CADPS: variants seen among roughly 807,000 people sequenced by gnomAD.
CADPS encodes calcium dependent secretion activator, also known as calcium-dependent secretion activator 1.
In CADPS, 57 loss-of-function variants were observed where a neutral mutation model predicts 167.3. That is an observed-to-expected ratio of 0.34 (90% CI 0.28 to 0.42). CADPS has a LOEUF of 0.42. Ranked by LOEUF, CADPS falls within the 20% of genes least tolerant of loss-of-function variation. The pLI is 1.00. For synonymous variants in CADPS, 676 were observed against 635.3 expected (o/e 1.06, Z -0.96); for missense variants, 1,414 against 1,738.1 (o/e 0.81, Z 3.32).
At chr3:62,538,196 A>G (rs1405067500) in intron 11 of CADPS, among the ~76,000 whole-genome samples, 1 of 152,092 alleles carries the variant, frequency 6.6e-6, no homozygotes, top group Admixed American at 6.6e-5. Context: ...TGCTTCATCT[A>G]GGAGGCTTCT....
chr3:62,550,222 A>AG (rs1217323165), intron 10 of CADPS, 107 bp from the exon 11 acceptor site: 6 of 791,720 alleles, frequency 7.6e-6, no homozygotes, highest in African/African-American at 1.7e-5. Context: ...GGGACAGAAG[A>AG]GGGGGGTAGT....
At chr3:62,802,153 C>A (rs950914518) in intron 1 of CADPS, among the ~76,000 whole-genome samples, 7 of 152,198 alleles carry the variant, frequency 4.6e-5, no homozygotes, top group East Asian at 3.9e-4. Flanking sequence ...TAAGGCCAAG[C>A]CAAATTTTGA....
At position 62,676,948 on chromosome 3, in the gene CADPS, G is replaced by C. The variant is rs1422830291; in HGVS notation, c.889-14554C>G. Among the ~76,000 whole-genome samples the C allele has an allele frequency of 2.6e-5, 4 of 152,110 alleles. No individual in the cohort carries two copies. In the East Asian group the frequency reaches 7.7e-4, roughly 29 times the overall value. ...GGAAGGGATCTTATGCTCCTGATAGGAAGTCAGACATGCACCCTAAGAGGA... is the reference window on the plus strand; with the variant it reads ...GGAAGGGATCTTATGCTCCTGATAGCAAGTCAGACATGCACCCTAAGAGGA... On this transcript the variant is annotated intron_variant, in intron 3 of 29. Transcript: ENST00000383710.
intron 6 of CADPS, among the ~76,000 whole-genome samples, chr3:62,599,836 TATA>T (rs1432082466): frequency 8.9e-4 from 2 of 2,248 alleles, no homozygotes; most frequent in Non-Finnish European, 8.8e-3. Context: ...ATATATATAA[TATA>T]TTATATATAT....
rs1383590843 is a variant in CADPS at position 62,536,487 on chromosome 3, G to T, written c.2061C>A (p.Arg687=). 1 of 1,613,316 alleles carries T rather than the reference G, an allele frequency of 6.2e-7. No individual in the cohort carries two copies. Among genetic ancestry groups the T allele is most frequent in the Admixed American group, 1.7e-5 (1 of 59,990 alleles). The part of the protein sequence containing the change: ...DHASLFEMVQ[R]LTLDHRLNDS... ...CATTAAGTCTGTGATCCAAAGTAAG[G>T]CGTTGTACCATCTCAAAGAGGGAAG... The change falls in exon 12 of 30, where the codon CGC becomes CGA. Residue 687 remains arginine (R), a synonymous_variant. Coordinates refer to ENST00000383710, the MANE Select transcript of CADPS (RefSeq NM_003716.4).
At chr3:62,854,279 TTCTC>T (rs1216921809) in intron 1 of CADPS, among the ~76,000 whole-genome samples, 1 of 152,216 alleles carries the variant, frequency 6.6e-6, no homozygotes, top group Admixed American at 6.5e-5. Flanking sequence ...AAAAGTAACT[TTCTC>T]TCTATGCATT....
At chr3:62,829,389 A>C (rs1485202374) in intron 1 of CADPS, among the ~76,000 whole-genome samples, 1 of 152,142 alleles carries the variant, frequency 6.6e-6, no homozygotes, top group African/African-American at 2.4e-5. Flanking sequence ...TGCAAATACT[A>C]TGCCATTTTA....
intron 13 of CADPS, among the ~76,000 whole-genome samples, chr3:62,520,758 G>T (rs541757187): frequency 2.6e-5 from 4 of 152,310 alleles, no homozygotes; most frequent in Admixed American, 2.0e-4. Context: ...TTTACAAAGT[G>T]AGGAAAAGAC....
chr3:62,541,279 A>G (rs531659770), intron 11 of CADPS, among the ~76,000 whole-genome samples: 2 of 152,306 alleles, frequency 1.3e-5, no homozygotes, highest in East Asian at 3.9e-4. Context: ...ATGTACTGAC[A>G]GTGAGCTATA....
rs115791068 is a variant in CADPS at position 62,740,042 on chromosome 3, T to C, written c.888+13399A>G. Among the ~76,000 whole-genome samples, 1,336 of 152,354 alleles carry C rather than the reference T, an allele frequency of 8.8e-3. 17 individuals carry two copies. The highest frequency in any genetic ancestry group is 0.031 in the African/African-American group (1,282 of 41,590). ...AGTGACTTACACTAATATATGTTGATTGCCATGTTCATGGGTCTGTGAACT... is the reference window on the plus strand; with the variant it reads ...AGTGACTTACACTAATATATGTTGACTGCCATGTTCATGGGTCTGTGAACT... On this transcript the variant is annotated intron_variant, in intron 3 of 29. Coordinates refer to ENST00000383710, the MANE Select transcript of CADPS (RefSeq NM_003716.4).
chr3:62,787,490 C>G, intron 1 of CADPS, among the ~76,000 whole-genome samples: 1 of 151,916 alleles, frequency 6.6e-6, no homozygotes, highest in Non-Finnish European at 1.5e-5. Flanking sequence ...TAAATACAAC[C>G]AAAACATTAT....
intron 6 of CADPS, among the ~76,000 whole-genome samples, chr3:62,618,533 G>C (rs1341304631): frequency 6.6e-6 from 1 of 152,110 alleles, no homozygotes; most frequent in Non-Finnish European, 1.5e-5. Context: ...TCTGTTAATT[G>C]CACCAGAGGA....
intron 9 of CADPS, among the ~76,000 whole-genome samples, chr3:62,564,818 G>A (rs1252882661): frequency 6.6e-6 from 1 of 151,978 alleles, no homozygotes; most frequent in Admixed American, 6.5e-5. Flanking sequence ...TATTGGCCAG[G>A]CTGGTCTCGA....
At chr3:62,832,406 CAAAGTT>C (rs1450919027) in intron 1 of CADPS, among the ~76,000 whole-genome samples, 1 of 152,172 alleles carries the variant, frequency 6.6e-6, no homozygotes, top group Non-Finnish European at 1.5e-5. Context: ...ATAATAATGT[CAAAGTT>C]AAAGTAGAAT....
intron 18 of CADPS, among the ~76,000 whole-genome samples, chr3:62,495,602 T>C (rs2064579577): frequency 6.6e-6 from 1 of 152,212 alleles, no homozygotes; most frequent in African/African-American, 2.4e-5. Flanking sequence ...ATGTGTGCTT[T>C]AGGGGTACAG....
chr3:62,561,564 C>G (rs941526162), intron 9 of CADPS, among the ~76,000 whole-genome samples: 30 of 152,216 alleles, frequency 2.0e-4, no homozygotes, highest in Middle Eastern at 3.4e-3. Context: ...GCCACCACAC[C>G]TGGCCAGATA....
intron 17 of CADPS, among the ~76,000 whole-genome samples, chr3:62,507,862 T>C (rs1576988188): frequency 6.6e-6 from 1 of 152,334 alleles, no homozygotes. Flanking sequence ...TTAATATATA[T>C]AATGAGCACT....
chr3:62,799,396 A>G (rs1199735929), intron 1 of CADPS, among the ~76,000 whole-genome samples: 1 of 152,160 alleles, frequency 6.6e-6, no homozygotes, highest in Non-Finnish European at 1.5e-5. Context: ...TACTTGCTCA[A>G]CAAGTTCACC....
At chr3:62,501,375 G>T (rs888658910) in intron 17 of CADPS, among the ~76,000 whole-genome samples, 1 of 152,084 alleles carries the variant, frequency 6.6e-6, no homozygotes, top group Non-Finnish European at 1.5e-5. Flanking sequence ...ATATTTTTGG[G>T]TAATATGTGT....
Sources: allele counts gnomAD v4.1 joint callset (sites outside exome capture counted in the v4.1 genomes callset), GRCh38; gene constraint gnomAD v4.1.1; transcripts MANE v1.5; gene names NCBI Gene and HGNC (gene_info 2026-07-23, HGNC 2026-07-21).